Variants in CDH18 observed in about 807,000 individuals in gnomAD.
CDH18 encodes cadherin 18, also known as cadherin-18.
CDH18 carries 31 observed loss-of-function variants against 67.9 expected under a neutral mutation model. The observed-to-expected ratio is 0.46, with a 90% CI of 0.34 to 0.62. The LOEUF is 0.62. Among genes scored for constraint, CDH18 ranks in the 20% least tolerant of loss-of-function variants. CDH18 has a pLI of 0.01. For synonymous variants in CDH18, 362 were observed against 347.2 expected (o/e 1.04, Z -0.48); for missense variants, 890 against 975.5 (o/e 0.91, Z 1.17).
intron 2 of CDH18, among the ~76,000 whole-genome samples, chr5:20,242,144 A>T (rs1742976195): frequency 6.6e-6 from 1 of 151,782 alleles, no homozygotes; most frequent in African/African-American, 2.4e-5. Flanking sequence ...AAAGTTTTTT[A>T]AATTTTATTC....
chr5:20,262,966 GA>G (rs1253768756), intron 1 of CDH18, among the ~76,000 whole-genome samples: 2 of 122,324 alleles, frequency 1.6e-5, no homozygotes, highest in African/African-American at 3.0e-5. Flanking sequence ...AAGAATGGGG[GA>G]AAGAAGGGAA....
chr5:20,357,618 C>T (rs544072553), intron 1 of CDH18, among the ~76,000 whole-genome samples: 1 of 152,228 alleles, frequency 6.6e-6, no homozygotes, highest in Non-Finnish European at 1.5e-5. Flanking sequence ...CATCATCTCA[C>T]ACAAGTCAGA....
chr5:20,301,182 T>TG lies in CDH18; in HGVS notation c.-579-45678_-579-45677insC, dbSNP rs200909588. On this transcript the variant is annotated intron_variant, in intron 1 of 14. Coordinates refer to the CDH18 transcript ENST00000507958. The stretch of plus-strand genomic sequence containing the variant: ...ATTGTATAGACAGTGTTTTTTTGTT[T>TG]TTTTGTTTGTTTGTTTGTTTGTTTT... 1.0e-2 allele frequency among the ~76,000 whole-genome samples: 1,489 copies of TG among 149,254 alleles called. 10 individuals are homozygous for TG. Among genetic ancestry groups the TG allele is most frequent in the Middle Eastern group, 0.017 (5 of 294 alleles).
intron 6 of CDH18, among the ~76,000 whole-genome samples, chr5:19,609,579 G>C (rs977322744): frequency 6.6e-6 from 1 of 151,908 alleles, no homozygotes; most frequent in African/African-American, 2.4e-5. Flanking sequence ...TTTACTTCAA[G>C]ATAAAGGGAT....
intron 12 of CDH18, among the ~76,000 whole-genome samples, chr5:19,475,293 A>G (rs1738257910): frequency 6.6e-6 from 1 of 151,800 alleles, no homozygotes; most frequent in South Asian, 2.1e-4. Flanking sequence ...TCAAAAATGC[A>G]TTTGATACAC....
intron 8 of CDH18, among the ~76,000 whole-genome samples, chr5:19,548,524 A>C (rs2127119177): frequency 6.6e-6 from 1 of 152,132 alleles, no homozygotes; most frequent in Non-Finnish European, 1.5e-5. Context: ...GAGGTAAGAA[A>C]ATCTAACATT....
At chr5:20,136,578 G>T (rs1749737747) in intron 2 of CDH18, among the ~76,000 whole-genome samples, 1 of 152,040 alleles carries the variant, frequency 6.6e-6, no homozygotes, top group Admixed American at 6.6e-5. Context: ...GGAGCATTTA[G>T]CCCATTTACA....
rs142784775 is a variant in CDH18 at position 20,255,186 on chromosome 5, C to G, written c.-518+258G>C. ...AAACCACTGGGTACAATATCACTAC[C>G]TGGGTACAATATACCCATATAACAA... On this transcript the variant is annotated intron_variant, in intron 2 of 14. Transcript: ENST00000507958. Among the ~76,000 whole-genome samples the G allele has an allele frequency of 6.9e-3, 1,043 of 152,204 alleles. 8 individuals carry two copies. The highest frequency in any genetic ancestry group is 0.024 in the Middle Eastern group (7 of 294).
chr5:20,366,410 C>T (rs543747740), intron 1 of CDH18, among the ~76,000 whole-genome samples: 1 of 152,186 alleles, frequency 6.6e-6, no homozygotes, highest in Admixed American at 6.5e-5. Context: ...TTCTAATTCA[C>T]ATTAACTATT....
upstream of CDH18, among the ~76,000 whole-genome samples, chr5:19,989,439 C>G (rs190861064): frequency 3.9e-4 from 60 of 152,244 alleles, no homozygotes; most frequent in African/African-American, 1.3e-3. Flanking sequence ...TGGGACATAC[C>G]TTTACATGTG....
At chr5:20,097,840 T>C (rs903903697) in intron 2 of CDH18, among the ~76,000 whole-genome samples, 6 of 152,176 alleles carry the variant, frequency 3.9e-5, no homozygotes, top group Non-Finnish European at 7.4e-5. Flanking sequence ...ATATAAAAAT[T>C]ACTGTTGCAA....
intron 2 of CDH18, among the ~76,000 whole-genome samples, chr5:20,019,431 C>T (rs1738196599): frequency 6.6e-6 from 1 of 152,060 alleles, no homozygotes; most frequent in African/African-American, 2.4e-5. Flanking sequence ...ATTGTAACCC[C>T]CCAATGTTGG....
chr5:19,710,120 G>A (rs145972352), intron 5 of CDH18, among the ~76,000 whole-genome samples: 2,164 of 152,262 alleles, frequency 0.014, 42 homozygotes, highest in East Asian at 0.061. Flanking sequence ...GGGTGACAGA[G>A]TAAGACTCCG....
chr5:19,841,757 G>T (rs1413235114), intron 2 of CDH18, among the ~76,000 whole-genome samples: 3 of 152,148 alleles, frequency 2.0e-5, no homozygotes, highest in Non-Finnish European at 4.4e-5. Context: ...GGTGAAGAAA[G>T]TGGCTTTTGC....
At chr5:19,688,058 C>A (rs561358983) in intron 5 of CDH18, among the ~76,000 whole-genome samples, 2 of 152,290 alleles carry the variant, frequency 1.3e-5, no homozygotes, top group South Asian at 4.1e-4. Context: ...TGGCCCTACC[C>A]AGCTTACAGC....
chr5:20,368,643 A>G (rs1742716904), intron 1 of CDH18, among the ~76,000 whole-genome samples: 1 of 152,204 alleles, frequency 6.6e-6, no homozygotes, highest in African/African-American at 2.4e-5. Flanking sequence ...TTGGAGAGGC[A>G]GTGCTAAAAT....
intron 1 of CDH18, among the ~76,000 whole-genome samples, chr5:20,502,429 T>G (rs1754393378): frequency 6.6e-6 from 1 of 152,178 alleles, no homozygotes; most frequent in African/African-American, 2.4e-5. Context: ...AACCCAGTGC[T>G]CTCAAGGATG....
At chr5:20,006,719 C>CATA (rs1736931412) in intron 2 of CDH18, among the ~76,000 whole-genome samples, 1 of 151,832 alleles carries the variant, frequency 6.6e-6, no homozygotes. Context: ...TTGTTTTAAA[C>CATA]ATATGTCATG....
At chr5:19,937,569 C>G (rs1579688126) in intron 2 of CDH18, among the ~76,000 whole-genome samples, 1 of 151,560 alleles carries the variant, frequency 6.6e-6, no homozygotes, top group East Asian at 1.9e-4. Flanking sequence ...CATATAACCA[C>G]ACATGCACAC....
Sources: gnomAD v4.1 joint callset for allele counts (sites outside exome capture counted in the v4.1 genomes callset) on GRCh38, gnomAD v4.1.1 for gene constraint, MANE v1.5 for transcripts, NCBI Gene and HGNC (gene_info 2026-07-23, HGNC 2026-07-21) for gene names.